Variants in GABRR3 observed in about 807,000 individuals in gnomAD.
GABRR3 encodes gamma-aminobutyric acid receptor subunit rho-3.
GABRR3 carries 29 observed loss-of-function variants against 43.2 expected under a neutral mutation model. That is an observed-to-expected ratio of 0.67 (90% CI 0.50 to 0.92). The LOEUF (loss-of-function observed/expected upper bound fraction) is 0.92, where lower values mean the gene tolerates loss of function less well. Among genes scored for constraint, GABRR3 ranks in the 40% least tolerant of loss-of-function variants. The pLI, the probability that GABRR3 is intolerant of heterozygous loss-of-function variation, is 0.00. For missense variants in GABRR3, 576 were observed against 572.3 expected, an observed-to-expected ratio of 1.01 and a Z score of -0.07; for synonymous variants, 206 against 195.9, an observed-to-expected ratio of 1.05 and a Z score of -0.43.
At chr3:98,004,695 C>G (rs1244760197) in intron 7 of GABRR3, among the ~76,000 whole-genome samples, 2 of 151,246 alleles carry the variant, frequency 1.3e-5, no homozygotes, top group African/African-American at 4.9e-5. Flanking sequence ...AAAAAAACAC[C>G]CTGTTGTTCA....
At chr3:98,010,259 G>T (rs1706773419) in intron 5 of GABRR3, among the ~76,000 whole-genome samples, 1 of 152,200 alleles carries the variant, frequency 6.6e-6, no homozygotes, top group African/African-American at 2.4e-5. Flanking sequence ...GGAGAGACCA[G>T]GAACACATTT....
At chr3:97,988,969 T>C (rs1445071518) in intron 9 of GABRR3, among the ~76,000 whole-genome samples, 1 of 128,078 alleles carries the variant, frequency 7.8e-6, no homozygotes, top group African/African-American at 3.0e-5. Context: ...GTGGGGGTGG[T>C]AGTTGGCAGT....
chr3:98,017,780 A>ATGGT, intron 3 of GABRR3, 58 bp from the exon 4 acceptor site: 2 of 1,205,850 alleles, frequency 1.7e-6, no homozygotes, highest in Non-Finnish European at 2.4e-6. Context: ...TTTTAAAACC[A>ATGGT]TTTAAAACAG....
At chr3:98,015,567 T>G (rs540190481) in intron 4 of GABRR3, among the ~76,000 whole-genome samples, 13 of 152,314 alleles carry the variant, frequency 8.5e-5, no homozygotes, top group African/African-American at 3.1e-4. Flanking sequence ...AATACAAAAT[T>G]GAAACCAAAC....
At chr3:97,989,199 ATGGTGGTGGTGT>A (rs1706429387) in intron 9 of GABRR3, among the ~76,000 whole-genome samples, 1 of 133,916 alleles carries the variant, frequency 7.5e-6, no homozygotes. Flanking sequence ...ATGTTAGTGG[ATGGTGGTGGTGT>A]TGGTGGATGG....
chr3:97,996,708 C>T (rs1274363613), intron 8 of GABRR3, among the ~76,000 whole-genome samples: 1 of 152,144 alleles, frequency 6.6e-6, no homozygotes, highest in Non-Finnish European at 1.5e-5. Flanking sequence ...TTATAATTGT[C>T]TCACACTCTC....
At chr3:97,987,107 T>C in intron 9 of GABRR3, 125 bp from the exon 10 acceptor site, 1 of 664,622 alleles carries the variant, frequency 1.5e-6, no homozygotes, top group Non-Finnish European at 2.4e-6. Flanking sequence ...ATTGGATTTG[T>C]TTTTCAACTT....
chr3:97,991,791 G>A (rs1489735858), intron 9 of GABRR3, among the ~76,000 whole-genome samples: 1 of 152,118 alleles, frequency 6.6e-6, no homozygotes, highest in Non-Finnish European at 1.5e-5. Context: ...AGTATGAGAT[G>A]CTCTCAGAAG....
chr3:98,009,803 T>TA (rs1706765669), intron 5 of GABRR3, among the ~76,000 whole-genome samples: 1 of 152,080 alleles, frequency 6.6e-6, no homozygotes, highest in African/African-American at 2.4e-5. Context: ...ACCAGAGGAG[T>TA]AGGGACATTT....
chr3:98,002,911 G>A (rs1246974179), intron 7 of GABRR3, among the ~76,000 whole-genome samples: 2 of 152,034 alleles, frequency 1.3e-5, no homozygotes, highest in Admixed American at 1.3e-4. Flanking sequence ...TAAGTACTTA[G>A]GCATTTGGCC....
rs568129645 is a variant in GABRR3, at chr3:98,033,376, C to A, written c.125+1487G>T. ...GCATAGGCTCTAAAATTCTTCTTTT[C>A]CTTTACATAGGATCTAAAAATGAGG... On this transcript the variant is annotated intron_variant, in intron 2 of 9. Coordinates refer to ENST00000621172, the Ensembl canonical transcript of GABRR3. Among the ~76,000 whole-genome samples, 285 of 152,236 alleles carry A rather than the reference C, an allele frequency of 1.9e-3. No individual in the cohort carries two copies. In the Middle Eastern group the frequency reaches 0.024, roughly 13 times the overall value.
At chr3:98,025,622 A>G in exon 3 of GABRR3, 1 of 1,613,146 alleles carries the variant, frequency 6.2e-7, no homozygotes. Context: ...GAAGTTGCTC[A>G]TATTTCTGAG....
intron 5 of GABRR3, 87 bp from the exon 6 acceptor site, chr3:98,009,125 T>G (rs1418468079): frequency 1.2e-6 from 1 of 822,246 alleles, no homozygotes; most frequent in East Asian, 2.8e-5. Flanking sequence ...TCTTACTGTT[T>G]GCTGGTTCTG....
At chr3:98,017,179 T>C (rs1283269196) in intron 4 of GABRR3, among the ~76,000 whole-genome samples, 2 of 152,222 alleles carry the variant, frequency 1.3e-5, no homozygotes, top group African/African-American at 4.8e-5. Context: ...TTTAGTCCCA[T>C]GAACTTAAAA....
In GABRR3 at chr3:98,025,616, T is replaced by C. The variant is rs1242192787; in HGVS notation, c.189A>G (p.Gln63=). The C allele has an allele frequency of 4.3e-6, 7 of 1,613,246 alleles. No individual in the cohort carries two copies. In the Admixed American group the frequency reaches 8.3e-5, roughly 19 times the overall value. ...AATCGTTGTCCTCTATATGGAGAAG[T>C]TGCTCATATTTCTGAGGCCGCGCTT... is the stretch of plus-strand genomic sequence containing the variant. Residue 63 remains glutamine (Q), a synonymous_variant, in exon 3 of 10, where the codon CAA becomes CAG. Coordinates refer to ENST00000621172, the Ensembl canonical transcript of GABRR3.
chr3:98,034,714 G>T, intron 2 of GABRR3, 149 bp downstream of exon 2: 1 of 875,126 alleles, frequency 1.1e-6, no homozygotes, highest in Non-Finnish European at 1.7e-6. Flanking sequence ...GGTGATTTAT[G>T]ATGATGCATG....
intron 8 of GABRR3, 25 bp from the exon 9 acceptor site, chr3:97,993,073 C>T: frequency 1.9e-6 from 3 of 1,550,228 alleles, no homozygotes; most frequent in Non-Finnish European, 2.6e-6. Context: ...TAGTGGCAAG[C>T]TCAGTGATAT....
exon 8 of GABRR3, chr3:98,001,728 C>T (rs1706645891): frequency 1.2e-6 from 2 of 1,613,124 alleles, no homozygotes; most frequent in Non-Finnish European, 1.7e-6. Context: ...GAAAACATGC[C>T]TCCTTAGCAC....
intron 8 of GABRR3, chr3:98,000,264 C>T (rs762769888): frequency 2.4e-4 from 37 of 152,210 alleles, no homozygotes; most frequent in Admixed American, 5.2e-4. Flanking sequence ...TCACTCCACC[C>T]TTCCATGGAA....
Sources: gnomAD v4.1 joint callset for allele counts (sites outside exome capture counted in the v4.1 genomes callset) on GRCh38, gnomAD v4.1.1 for gene constraint, MANE v1.5 for transcripts, NCBI Gene and HGNC (gene_info 2026-07-23, HGNC 2026-07-21) for gene names.